The following TOM1L2 variants were observed in gnomAD, a reference collection of about 807,000 sequenced individuals.
The protein encoded by TOM1L2 is target of myb1 like 2 membrane trafficking protein.
TOM1L2 carries 31 observed loss-of-function variants against 67.9 expected under a neutral mutation model. The ratio of observed to expected loss-of-function variants is 0.46; its 90% CI spans 0.34 to 0.62. The LOEUF is 0.62. Ranked by LOEUF, TOM1L2 falls within the 20% of genes least tolerant of loss-of-function variation. The pLI is 0.01. For synonymous variants in TOM1L2, 256 were observed against 254.0 expected, an observed-to-expected ratio of 1.01 and a Z score of -0.07; for missense variants, 606 against 663.5, an observed-to-expected ratio of 0.91 and a Z score of 0.95.
intron 10 of TOM1L2, chr17:17,863,386 G>A (rs1049102462): frequency 6.4e-6 from 1 of 155,100 alleles, no homozygotes; most frequent in Non-Finnish European, 1.5e-5. Flanking sequence ...ACAACAGTGG[G>A]TCTGTAAGGA....
rs145438922 is a variant in TOM1L2, at chr17:17,869,345, G to A, written c.906C>T (p.Tyr302=). The A allele has an allele frequency of 1.2e-3, 1,951 of 1,609,274 alleles. 11 individuals are homozygous for A. The highest frequency in any genetic ancestry group is 8.7e-3 in the South Asian group (792 of 90,852). The change falls in exon 8 of 15, where the codon TAC becomes TAT. Residue 302 remains tyrosine, a synonymous_variant. Transcript: ENST00000379504. The part of the protein sequence containing the change: ...NDDLNNVFLR[Y]ERFERYRSGR... The stretch of plus-strand genomic sequence containing the variant: ...AAAAGAAATCCGGCTCCCACCTCTC[G>A]TATCGAAGGAAGACGTTGTTGAGGT...
chr17:17,963,851 A>C (rs1176241457), intron 1 of TOM1L2, among the ~76,000 whole-genome samples: 7 of 152,214 alleles, frequency 4.6e-5, no homozygotes, highest in Non-Finnish European at 1.0e-4. Context: ...AGGAATCAAG[A>C]AGTCTATATT....
intron 12 of TOM1L2, among the ~76,000 whole-genome samples, chr17:17,856,758 T>C (rs2036272826): frequency 6.6e-6 from 1 of 152,174 alleles, no homozygotes; most frequent in African/African-American, 2.4e-5. Flanking sequence ...AGAGGTGAAA[T>C]GGTCATCCCA....
At chr17:17,854,509 ATTTAG>A (rs1280969597) in intron 12 of TOM1L2, among the ~76,000 whole-genome samples, 5 of 151,696 alleles carry the variant, frequency 3.3e-5, no homozygotes, top group African/African-American at 7.2e-5. Flanking sequence ...TTATTTATTT[ATTTAG>A]TTATTTATTT....
At chr17:17,920,062 T>C (rs571442836) in intron 1 of TOM1L2, among the ~76,000 whole-genome samples, 40 of 152,208 alleles carry the variant, frequency 2.6e-4, no homozygotes, top group South Asian at 1.5e-3. Flanking sequence ...GCCTCCACAA[T>C]AGACGGTCCA....
At chr17:17,856,075 G>A (rs933258938) in intron 12 of TOM1L2, among the ~76,000 whole-genome samples, 1 of 152,222 alleles carries the variant, frequency 6.6e-6, no homozygotes, top group Non-Finnish European at 1.5e-5. Flanking sequence ...TGGCAGTGGC[G>A]AGGCAGTCTG....
chr17:17,880,477 C>A (rs554658296), intron 6 of TOM1L2, among the ~76,000 whole-genome samples: 2 of 152,358 alleles, frequency 1.3e-5, no homozygotes, highest in South Asian at 4.1e-4. Flanking sequence ...TGCCTCAGAT[C>A]TGCCCCTTCA....
chr17:17,967,012 C>T (rs1378194165), intron 1 of TOM1L2, among the ~76,000 whole-genome samples: 1 of 152,160 alleles, frequency 6.6e-6, no homozygotes, highest in African/African-American at 2.4e-5. Context: ...TGTGGGACCT[C>T]ATCTTGTGAT....
chr17:17,943,372 A>T (rs2040813781), intron 1 of TOM1L2, among the ~76,000 whole-genome samples: 1 of 152,224 alleles, frequency 6.6e-6, no homozygotes, highest in Admixed American at 6.5e-5. Context: ...TATAGGGGTC[A>T]GATAGTGGCA....
chr17:17,944,826 AGAG>A (rs1224023563), intron 1 of TOM1L2, among the ~76,000 whole-genome samples: 4 of 152,344 alleles, frequency 2.6e-5, no homozygotes, highest in African/African-American at 9.6e-5. Flanking sequence ...AAGGCCTAAC[AGAG>A]GAGAACAAAT....
intron 10 of TOM1L2, 112 bp downstream of exon 10, chr17:17,866,184 G>C: frequency 7.6e-7 from 1 of 1,310,130 alleles, no homozygotes; most frequent in Non-Finnish European, 1.0e-6. Flanking sequence ...ACTTTCACAT[G>C]TATTTCCCAA....
intron 1 of TOM1L2, among the ~76,000 whole-genome samples, chr17:17,970,174 C>T (rs566373428): frequency 8.5e-5 from 13 of 152,138 alleles, no homozygotes; most frequent in Non-Finnish European, 1.3e-4. Context: ...CCTGCCTCAG[C>T]CTCCCGAGTA....
In TOM1L2 at chr17:17,854,862, G is replaced by A. The variant is rs1260281037; in HGVS notation, c.1279-3910C>T. On this transcript the variant is annotated intron_variant, in intron 12 of 14. Coordinates refer to ENST00000379504, the MANE Select transcript of TOM1L2 (RefSeq NM_001082968.2). ...CATGCCATAGTTTCAGCATTTTCTT[G>A]GGCAATGATCCAAGCTGAAGGCTGG... 2.0e-5 allele frequency among the ~76,000 whole-genome samples: 3 copies of A among 152,026 alleles called. No homozygotes were observed. The East Asian group carries it at 5.8e-4, about 29-fold the overall frequency.
In TOM1L2 at chr17:17,869,393, C is replaced by T. The variant is rs764829383; in HGVS notation, c.858G>A (p.Glu286=). The T allele has an allele frequency of 5.9e-5, 95 of 1,613,446 alleles. No individual in the cohort carries two copies. Among genetic ancestry groups the T allele is most frequent in the Non-Finnish European group, 8.1e-5 (95 of 1,180,032 alleles). The stretch of plus-strand genomic sequence containing the variant: ...GGTCATCGTTCACATGCAGCAGCTC[C>T]TCGGTGACCTCCTCATTGGACACGC... ...ISRVSNEEVT[E]ELLHVNDDLN... is the part of the protein sequence containing the mutation. The change falls in exon 8 of 15, where the codon GAG becomes GAA. Residue 286 remains glutamate, a synonymous_variant. Coordinates refer to ENST00000379504, the MANE Select transcript of TOM1L2 (RefSeq NM_001082968.2).
At chr17:17,848,160 A>G (rs905288533) in intron 14 of TOM1L2, among the ~76,000 whole-genome samples, 4 of 152,118 alleles carry the variant, frequency 2.6e-5, no homozygotes, top group African/African-American at 9.7e-5. Context: ...TTGCCCACCA[A>G]TGGAGGACTG....
chr17:17,871,135 C>T (rs1451686925), intron 7 of TOM1L2, among the ~76,000 whole-genome samples: 1 of 152,174 alleles, frequency 6.6e-6, no homozygotes, highest in Non-Finnish European at 1.5e-5. Flanking sequence ...CTATTGGAGG[C>T]CGAGGCGGAT....
intron 1 of TOM1L2, among the ~76,000 whole-genome samples, chr17:17,920,214 G>A (rs1438958759): frequency 2.0e-5 from 3 of 148,986 alleles, no homozygotes; most frequent in Non-Finnish European, 3.0e-5. Flanking sequence ...TTATTCTCTC[G>A]TTCTTTTTTT....
At chr17:17,945,788 AAACTGGAAGAAAAAAG>A (rs1346802247) in intron 1 of TOM1L2, among the ~76,000 whole-genome samples, 1 of 152,242 alleles carries the variant, frequency 6.6e-6, no homozygotes, top group Non-Finnish European at 1.5e-5. Context: ...TAATTATAGA[AAACTGGAAGAAAAAAG>A]AAGAAAAGCT....
At chr17:17,923,493 G>A (rs1282537733) in intron 1 of TOM1L2, among the ~76,000 whole-genome samples, 1 of 151,642 alleles carries the variant, frequency 6.6e-6, no homozygotes, top group South Asian at 2.1e-4. Flanking sequence ...TTTTAAGCCT[G>A]GGCAACATAG....
Sources: allele counts gnomAD v4.1 joint callset (sites outside exome capture counted in the v4.1 genomes callset), GRCh38; gene constraint gnomAD v4.1.1; transcripts MANE v1.5; gene names NCBI Gene and HGNC (gene_info 2026-07-23, HGNC 2026-07-21).